GET4: variants seen among roughly 807,000 people sequenced by gnomAD.
GET4 encodes Golgi to ER traffic protein 4 homolog.
GET4 carries 20 observed loss-of-function variants against 40.0 expected under a neutral mutation model. That is an observed-to-expected ratio of 0.50 (90% CI 0.35 to 0.73). The LOEUF is 0.73. GET4 is among the 30% of genes least tolerant of loss of function. GET4 has a pLI of 0.01. For missense variants in GET4, 557 were observed against 454.0 expected, an observed-to-expected ratio of 1.23 and a Z score of -2.06; for synonymous variants, 280 against 194.6, an observed-to-expected ratio of 1.44 and a Z score of -3.65.
Position 896,036 on chromosome 7 carries a change from G to A in GET4, c.*614G>A, listed in dbSNP as rs1396082463. 6.6e-6 allele frequency: 1 copy of A among 152,204 alleles called. No individual in the cohort carries two copies. The highest frequency in any genetic ancestry group is 2.4e-5 in the African/African-American group (1 of 41,454). 9.4% of individuals were successfully genotyped at this position (152,204 alleles called of 1,614,324 possible). ...GGGTACTTGCAGCTGTGTCCCATGT[G>A]GCATCCCAGAGCTGCGCCCTGCTGG... is the stretch of plus-strand genomic sequence containing the variant. On this transcript the variant is annotated 3_prime_UTR_variant, in exon 9 of 9. Coordinates refer to ENST00000265857, the MANE Select transcript of GET4 (RefSeq NM_015949.3).
chr7:877,266 CG>C (rs1008823936), intron 1 of GET4, among the ~76,000 whole-genome samples: 6 of 149,442 alleles, frequency 4.0e-5, no homozygotes, highest in African/African-American at 1.2e-4. Context: ...CGGCCTCTCC[CG>C]GCCCCTCGTC....
At position 890,319 on chromosome 7, in the gene GET4, C is replaced by A. The variant is rs376981168; in HGVS notation, c.467-609C>A. Among the ~76,000 whole-genome samples, 5 of 16,374 alleles carry A rather than the reference C, an allele frequency of 3.1e-4. 1 individual carries two copies. Among genetic ancestry groups the A allele is most frequent in the Admixed American group, 1.1e-3 (1 of 952 alleles). The allele number at this position is 16,374 out of a possible 152,430, so 10.7% of individuals were successfully genotyped here. A position where few individuals can be genotyped will look rare whatever the true frequency, so the allele number is the denominator to read the frequency against. ...ACGGGGTCTGGGAGTGGAGGGAGCGCGAGCGGGTGTCAGGACGGGGTCTGG... is the reference window on the plus strand; with the variant it reads ...ACGGGGTCTGGGAGTGGAGGGAGCGAGAGCGGGTGTCAGGACGGGGTCTGG... On this transcript the variant is annotated intron_variant, in intron 4 of 8. Transcript: ENST00000265857.
intron 4 of GET4, among the ~76,000 whole-genome samples, chr7:888,725 G>A (rs780039684): frequency 6.6e-6 from 1 of 152,230 alleles, no homozygotes; most frequent in African/African-American, 2.4e-5. Flanking sequence ...CCTGGCCTCT[G>A]GCGACAGCAG....
In GET4 at chr7:882,551, G is replaced by A. The variant is rs532347680; in HGVS notation, c.156-3505G>A. 7.8e-5 allele frequency: 12 copies of A among 152,882 alleles called. No homozygotes were observed. In the South Asian group the frequency reaches 9.8e-4, roughly 12 times the overall value. 9.5% of individuals were successfully genotyped at this position (152,882 alleles called of 1,614,324 possible). A position where few individuals can be genotyped will look rare whatever the true frequency, so the allele number is the denominator to read the frequency against. On this transcript the variant is annotated intron_variant, in intron 1 of 8. Coordinates refer to ENST00000265857, the MANE Select transcript of GET4 (RefSeq NM_015949.3). Reference sequence around the variant, plus strand: ...GCCGACCTTGCCCCGGGGATGGCGCGGGTTGTGGGCGGCCGACCTTGCTCC... The same window carrying A: ...GCCGACCTTGCCCCGGGGATGGCGCAGGTTGTGGGCGGCCGACCTTGCTCC...
At chr7:894,025 C>T in intron 8 of GET4, 54 bp downstream of exon 8, 4 of 1,232,662 alleles carry the variant, frequency 3.2e-6, no homozygotes, top group South Asian at 1.5e-5. Flanking sequence ...GGTGTGGGGT[C>T]ATCATCTCTG....
chr7:877,402 C>T lies in GET4; in HGVS notation c.155+602C>T, dbSNP rs1362808257. ...TTCTTCCAGCCTCCCCCTGCTCCCTCCGTCTCTCTCTCCCCGGCCTCCCCC... is the reference window on the plus strand; with the variant it reads ...TTCTTCCAGCCTCCCCCTGCTCCCTTCGTCTCTCTCTCCCCGGCCTCCCCC... On this transcript the variant is annotated intron_variant, in intron 1 of 8. Coordinates refer to ENST00000265857, the MANE Select transcript of GET4 (RefSeq NM_015949.3). 4.3e-5 allele frequency among the ~76,000 whole-genome samples: 5 copies of T among 117,102 alleles called. No homozygotes were observed. In the East Asian group the frequency reaches 1.3e-3, roughly 31 times the overall value. The allele number at this position is 117,102 out of a possible 152,430, so 76.8% of individuals were successfully genotyped here.
intron 6 of GET4, among the ~76,000 whole-genome samples, chr7:893,358 T>A (rs1344411255): frequency 8.7e-6 from 1 of 115,060 alleles, no homozygotes; most frequent in Non-Finnish European, 1.9e-5. Flanking sequence ...TGCAGGTGAG[T>A]GTTGGGTGTG....
intron 3 of GET4, 88 bp downstream of exon 3, chr7:886,738 C>A: frequency 1.1e-6 from 1 of 871,568 alleles, no homozygotes; most frequent in Non-Finnish European, 1.9e-6. Context: ...TTCGTGTCTG[C>A]GTTTGGGGGT....
chr7:881,423 T>C (rs1156735500), intron 1 of GET4: 1 of 151,734 alleles, frequency 6.6e-6, no homozygotes. Flanking sequence ...GTTTTACGTA[T>C]GTGGAATCAC....
At chr7:880,740 C>T (rs1430810332) in intron 1 of GET4, 1 of 152,262 alleles carries the variant, frequency 6.6e-6, no homozygotes, top group African/African-American at 2.4e-5. Flanking sequence ...CGGCAGCTGT[C>T]ACCTCGCTGT....
At chr7:892,794 C>G (rs192976111) in intron 6 of GET4, among the ~76,000 whole-genome samples, 4 of 147,068 alleles carry the variant, frequency 2.7e-5, no homozygotes, top group African/African-American at 5.1e-5. Context: ...GACGTGTATA[C>G]AGGTGTGAGT....
intron 5 of GET4, 135 bp downstream of exon 5, chr7:891,201 G>A (rs1844314347): frequency 7.9e-6 from 5 of 634,598 alleles, no homozygotes; most frequent in South Asian, 2.1e-5. Flanking sequence ...AGCCCACAGT[G>A]CACTTGTCAG....
chr7:893,873 C>T (rs745927219), intron 7 of GET4, 26 bp from the exon 8 acceptor site: 1 of 1,611,904 alleles, frequency 6.2e-7, no homozygotes, highest in Admixed American at 1.7e-5. Flanking sequence ...TCCACCCCCT[C>T]TGAGCCCGCT....
intron 5 of GET4, among the ~76,000 whole-genome samples, chr7:891,680 G>T (rs757173097): frequency 2.0e-5 from 3 of 152,262 alleles, no homozygotes; most frequent in Non-Finnish European, 2.9e-5. Flanking sequence ...CAAGGCGGGC[G>T]TTGGGGATTT....
intron 3 of GET4, chr7:887,122 C>T (rs528742384): frequency 2.3e-5 from 15 of 665,398 alleles, no homozygotes; most frequent in East Asian, 1.2e-4. Context: ...CAGCTCCCCA[C>T]GGCACCTTCC....
intron 5 of GET4, 105 bp from the exon 6 acceptor site, chr7:892,173 A>AC: frequency 8.4e-7 from 1 of 1,189,568 alleles, no homozygotes; most frequent in Non-Finnish European, 1.2e-6. Flanking sequence ...GGCCGCAGGA[A>AC]CCGTGGGCGC....
intron 5 of GET4, among the ~76,000 whole-genome samples, chr7:891,358 G>A (rs999070152): frequency 1.3e-5 from 2 of 152,378 alleles, no homozygotes; most frequent in Admixed American, 1.3e-4. Flanking sequence ...CTGTACTCAG[G>A]CCTGCCTCGG....
At chr7:891,318 G>A (rs112334607) in intron 5 of GET4, among the ~76,000 whole-genome samples, 11 of 152,306 alleles carry the variant, frequency 7.2e-5, no homozygotes, top group African/African-American at 2.6e-4. Context: ...CTCGCCTCTC[G>A]CCCACTGCCG....
At chr7:892,142 C>G in intron 5 of GET4, 136 bp from the exon 6 acceptor site, 1 of 778,094 alleles carries the variant, frequency 1.3e-6, no homozygotes, top group Non-Finnish European at 2.1e-6. Flanking sequence ...GCGTGAAGCA[C>G]TGGGTCCCTC....
Sources: allele counts gnomAD v4.1 joint callset (sites outside exome capture counted in the v4.1 genomes callset), GRCh38; gene constraint gnomAD v4.1.1; transcripts MANE v1.5; gene names NCBI Gene and HGNC (gene_info 2026-07-23, HGNC 2026-07-21).